POLA1: variants seen among roughly 807,000 people sequenced by gnomAD.
POLA1 encodes the protein DNA polymerase alpha catalytic subunit.
POLA1 carries 15 observed loss-of-function variants against 124.0 expected under a neutral mutation model. That is an observed-to-expected ratio of 0.12 (90% CI 0.08 to 0.19). The LOEUF is 0.19. POLA1 is among the 10% of genes least tolerant of loss of function. The probability of loss-of-function intolerance (pLI) is 1.00; values close to 1 mark genes in which losing one functional copy is unlikely to be tolerated. For missense variants in POLA1, 886 were observed against 1,103.4 expected (o/e 0.80, Z 2.79); for synonymous variants, 408 against 389.4 (o/e 1.05, Z -0.56).
chrX:24,726,664 G>A (rs767895714), intron 13 of POLA1, among the ~76,000 whole-genome samples: 64 of 112,046 alleles, frequency 5.7e-4, no homozygotes, highest in Non-Finnish European at 1.1e-3. Context: ...TACAGCTCTG[G>A]ACAGAAATTT....
intron 26 of POLA1, among the ~76,000 whole-genome samples, chrX:24,759,333 A>G (rs914610706): frequency 8.9e-6 from 1 of 111,970 alleles, no homozygotes; most frequent in African/African-American, 3.2e-5. Context: ...TGCAGCCTCA[A>G]ATTATTTCTG....
At chrX:24,810,922 T>C in intron 28 of POLA1, 122 bp downstream of exon 28, 1 of 411,986 alleles carries the variant, frequency 2.4e-6, no homozygotes, top group Non-Finnish European at 4.2e-6. Flanking sequence ...AAACTTGGTG[T>C]CTCTCAATTC....
chrX:24,713,661 C>T (rs1012640642), intron 4 of POLA1, among the ~76,000 whole-genome samples: 5 of 109,951 alleles, frequency 4.5e-5, no homozygotes, highest in Non-Finnish European at 9.5e-5. Context: ...GTGATCCGCC[C>T]GCCTCGGTCT....
chrX:24,787,279 T>G (rs1411713441), intron 26 of POLA1, among the ~76,000 whole-genome samples: 1 of 112,035 alleles, frequency 8.9e-6, no homozygotes, highest in Non-Finnish European at 1.9e-5. Context: ...TCTAAAAAAA[T>G]TATTGCCAAG....
intron 26 of POLA1, among the ~76,000 whole-genome samples, chrX:24,808,731 G>A (rs1275740266): frequency 9.0e-6 from 1 of 111,502 alleles, no homozygotes; most frequent in Non-Finnish European, 1.9e-5. Context: ...AAAGTAATGG[G>A]TAGATATAAA....
chrX:24,907,542 A>G (rs2047386247), intron 35 of POLA1, among the ~76,000 whole-genome samples: 1 of 112,124 alleles, frequency 8.9e-6, no homozygotes, highest in South Asian at 3.7e-4. Context: ...CTGATGATAT[A>G]TTTCTCATCA....
At chrX:24,744,950 CA>C (rs768169951) in intron 23 of POLA1, among the ~76,000 whole-genome samples, 54 of 76,575 alleles carry the variant, frequency 7.1e-4, no homozygotes, top group African/African-American at 2.1e-3. Context: ...GACTCTGACT[CA>C]AAAAAAAAAA....
intron 34 of POLA1, among the ~76,000 whole-genome samples, chrX:24,871,974 C>T (rs115666042): frequency 0.011 from 1,236 of 111,839 alleles, 18 homozygotes; most frequent in African/African-American, 0.038. Flanking sequence ...AGTTACTTTT[C>T]TTCAGTTGCA....
intron 35 of POLA1, among the ~76,000 whole-genome samples, chrX:24,913,645 T>A (rs1282840902): frequency 9.5e-6 from 1 of 105,652 alleles, no homozygotes; most frequent in African/African-American, 3.5e-5. Context: ...ACCCGGGAGA[T>A]GGAGGTTGCA....
chrX:24,843,783 T>C, intron 34 of POLA1, 106 bp downstream of exon 34: 1 of 467,766 alleles, frequency 2.1e-6, no homozygotes, highest in East Asian at 4.4e-5. Flanking sequence ...TGGGAAAAAT[T>C]CCTAGTGAAA....
At chrX:24,719,938 C>T in intron 10 of POLA1, among the ~76,000 whole-genome samples, 1 of 110,432 alleles carries the variant, frequency 9.1e-6, no homozygotes, top group Middle Eastern at 4.6e-3. Context: ...CTATCGTCTT[C>T]CACATCACTG....
chrX:24,782,253 A>T (rs2045280598), intron 26 of POLA1, among the ~76,000 whole-genome samples: 1 of 112,111 alleles, frequency 8.9e-6, no homozygotes, highest in Non-Finnish European at 1.9e-5. Context: ...TGAGAATGGA[A>T]TCAAAACAAA....
intron 4 of POLA1, among the ~76,000 whole-genome samples, chrX:24,709,520 G>A (rs1657827301): frequency 9.1e-6 from 1 of 109,382 alleles, no homozygotes; most frequent in African/African-American, 3.3e-5. Context: ...GGACGGGGTG[G>A]CTGCCGGGCG....
intron 34 of POLA1, among the ~76,000 whole-genome samples, chrX:24,857,008 A>G (rs146330234): frequency 6.6e-4 from 74 of 111,823 alleles, no homozygotes; most frequent in African/African-American, 2.3e-3. Context: ...CAAGTCCAGT[A>G]TATCAATATT....
At chrX:24,739,094 C>T (rs1420726901) in intron 19 of POLA1, among the ~76,000 whole-genome samples, 3 of 111,427 alleles carry the variant, frequency 2.7e-5, no homozygotes, top group Non-Finnish European at 5.6e-5. Context: ...CATTTTCCAT[C>T]CACTTGTTAC....
At chrX:24,829,358 G>A (rs1040115985) in intron 32 of POLA1, among the ~76,000 whole-genome samples, 2 of 111,082 alleles carry the variant, frequency 1.8e-5, no homozygotes, top group Non-Finnish European at 3.8e-5. Context: ...TTTTTATATC[G>A]CGGATGTGTG....
chrX:24,806,828 A>G (rs1390309910), intron 26 of POLA1, among the ~76,000 whole-genome samples: 1 of 112,046 alleles, frequency 8.9e-6, no homozygotes, highest in Non-Finnish European at 1.9e-5. Context: ...AACAACCTAT[A>G]TGTTCATTAA....
Position 24,724,380 on chromosome X carries a change from A to G in POLA1, c.1246A>G (p.Met416Val). The G allele has an allele frequency of 5.2e-6, 6 of 1,146,820 alleles. No individual in the cohort carries two copies. The highest frequency in any genetic ancestry group is 4.8e-6 in the Non-Finnish European group (4 of 841,469). The allele number at this position is 1,146,820 out of a possible 1,213,427, so 94.5% of individuals were successfully genotyped here. ...GAAAGAAACAGGAACTCCAATTTCA[A>G]TGAAGGATGTTTATGAGGAATTTGA... Reference protein sequence around the residue: ...TGKETGTPISMKDVYEEFDEK... With the variant: ...TGKETGTPISVKDVYEEFDEK... The change falls in exon 12 of 37, where the codon ATG (methionine) becomes GTG (valine). Residue 416 changes from methionine (M) to valine (V), a missense_variant. This residue lies in a region of POLA1 where 337 missense variants were observed against 402.8 expected (regional missense o/e 0.84). Coordinates refer to ENST00000379068, the MANE Select transcript of POLA1 (RefSeq NM_001330360.2).
chrX:24,710,521 G>A (rs1406025817), intron 4 of POLA1, among the ~76,000 whole-genome samples: 1 of 111,766 alleles, frequency 8.9e-6, no homozygotes, highest in Non-Finnish European at 1.9e-5. Flanking sequence ...TTATTCATTA[G>A]TTGATGGACA....
Sources: gnomAD v4.1 joint callset for allele counts (sites outside exome capture counted in the v4.1 genomes callset) on GRCh38, gnomAD v4.1.1 for gene constraint, gnomAD v4.1.1 regional missense constraint, MANE v1.5 for transcripts, NCBI Gene and HGNC (gene_info 2026-07-23, HGNC 2026-07-21) for gene names.